NEK4: variants seen among roughly 807,000 people sequenced by gnomAD.
NEK4 encodes the protein NIMA related kinase 4.
NEK4 carries 86 observed loss-of-function variants against 98.4 expected under a neutral mutation model. The ratio of observed to expected loss-of-function variants is 0.87; its 90% CI spans 0.73 to 1.05. NEK4 has a LOEUF of 1.05. NEK4 is among the 50% of genes least tolerant of loss of function. The pLI is 0.00. For missense variants in NEK4, 898 were observed against 950.3 expected, an observed-to-expected ratio of 0.94 and a Z score of 0.72; for synonymous variants, 328 against 342.2, an observed-to-expected ratio of 0.96 and a Z score of 0.46.
chr3:52,752,072 T>C lies in NEK4; in HGVS notation c.1228A>G (p.Met410Val), dbSNP rs1281085352. 1 of 1,614,228 alleles carries C rather than the reference T, an allele frequency of 6.2e-7. No individual in the cohort carries two copies. Among genetic ancestry groups the C allele is most frequent in the Non-Finnish European group, 8.5e-7 (1 of 1,180,040 alleles). Reference protein sequence around the residue: ...ICSISQVEEEMLQDNTKSSAQ... With the variant: ...ICSISQVEEEVLQDNTKSSAQ... Reference sequence around the variant, plus strand: ...CTGGATTTAGTGTTGTCCTGCAGCATCTCCTCTTCCACTTGAGAAATACTG... The same window carrying C: ...CTGGATTTAGTGTTGTCCTGCAGCACCTCCTCTTCCACTTGAGAAATACTG... Residue 410 changes from methionine to valine, a missense_variant, in exon 7 of 16, where the codon ATG becomes GTG. By Grantham distance (21) the Met-to-Val change is conservative. Transcript: ENST00000233027.
chr3:52,723,055 A>G (rs2097361478), intron 15 of NEK4, among the ~76,000 whole-genome samples: 1 of 151,958 alleles, frequency 6.6e-6, no homozygotes, highest in Admixed American at 6.6e-5. Flanking sequence ...AAATTTTAAA[A>G]TTAGCTAAGT....
At chr3:52,721,479 G>T (rs1015839718) in intron 15 of NEK4, among the ~76,000 whole-genome samples, 1 of 152,056 alleles carries the variant, frequency 6.6e-6, no homozygotes, top group African/African-American at 2.4e-5. Context: ...TAGAATCCCA[G>T]AACTTTGGGA....
At chr3:52,721,635 C>T (rs561476735) in intron 15 of NEK4, among the ~76,000 whole-genome samples, 1 of 151,578 alleles carries the variant, frequency 6.6e-6, no homozygotes, top group South Asian at 2.1e-4. Context: ...ACTAAGGAGG[C>T]TGGGACAGGA....
At chr3:52,761,860 T>A (rs1559447986) in intron 5 of NEK4, among the ~76,000 whole-genome samples, 1 of 152,246 alleles carries the variant, frequency 6.6e-6, no homozygotes, top group East Asian at 1.9e-4. Flanking sequence ...TAAAACTGAT[T>A]GGTACACTTA....
In NEK4 at chr3:52,727,177, T is replaced by C. The variant is rs142676796; in HGVS notation, c.2433+10409A>G. The stretch of plus-strand genomic sequence containing the variant: ...TTAGTAGAGACAGAGTTTCACCATG[T>C]TGGTCAGGCTGGTCTCGAATTCCTG... On this transcript the variant is annotated intron_variant, in intron 15 of 15. Transcript: ENST00000233027. 4.9e-3 allele frequency among the ~76,000 whole-genome samples: 739 copies of C among 152,206 alleles called. 5 individuals are homozygous for C. The highest frequency in any genetic ancestry group is 0.016 in the African/African-American group (683 of 41,538).
At chr3:52,730,414 G>A (rs1218720106) in intron 15 of NEK4, among the ~76,000 whole-genome samples, 1 of 152,196 alleles carries the variant, frequency 6.6e-6, no homozygotes, top group Non-Finnish European at 1.5e-5. Context: ...AGGAGGAAGG[G>A]GTAATTCCTG....
Position 52,770,833 on chromosome 3 carries a change from G to A in NEK4, c.-87C>T, listed in dbSNP as rs1323104583. ...AACAAGAAGCTCGGTTCATGCCCGA[G>A]AGGGGGCAGTGGGGGCGGCTGTTGA... On this transcript the variant is annotated 5_prime_UTR_variant, in exon 1 of 16. Transcript: ENST00000233027. The A allele has an allele frequency of 1.6e-6, 2 of 1,223,444 alleles. No homozygotes were observed. The highest frequency in any genetic ancestry group is 1.5e-5 in the African/African-American group (1 of 67,164). 75.8% of individuals were successfully genotyped at this position (1,223,444 alleles called of 1,614,324 possible). A position where few individuals can be genotyped will look rare whatever the true frequency, so the allele number is the denominator to read the frequency against.
intron 10 of NEK4, among the ~76,000 whole-genome samples, chr3:52,744,509 C>A (rs907877623): frequency 2.6e-5 from 4 of 151,970 alleles, no homozygotes; most frequent in Non-Finnish European, 5.9e-5. Flanking sequence ...CATGGTGAAA[C>A]CCCGTCTCTA....
intron 15 of NEK4, among the ~76,000 whole-genome samples, chr3:52,731,568 T>C (rs1441139587): frequency 1.3e-5 from 2 of 152,196 alleles, no homozygotes; most frequent in African/African-American, 4.8e-5. Context: ...CAACACATGG[T>C]GACGGGACAA....
chr3:52,742,726 A>C (rs550093020), intron 12 of NEK4, among the ~76,000 whole-genome samples: 1 of 152,212 alleles, frequency 6.6e-6, no homozygotes, highest in East Asian at 1.9e-4. Context: ...TTGGTATCAC[A>C]GCAGATTGAG....
chr3:52,727,258 G>C (rs1015377338), intron 15 of NEK4, among the ~76,000 whole-genome samples: 12 of 152,120 alleles, frequency 7.9e-5, no homozygotes, highest in Non-Finnish European at 1.6e-4. Flanking sequence ...ACAGGCGTGA[G>C]CCACTGCGCC....
rs368976533 is a variant in NEK4, at chr3:52,739,512, T to C, written c.2216A>G (p.His739Arg). 58 of 1,614,062 alleles carry C rather than the reference T, an allele frequency of 3.6e-5. No individual in the cohort carries two copies. Among genetic ancestry groups the C allele is most frequent in the Non-Finnish European group, 4.7e-5 (56 of 1,180,032 alleles). ...TATCAGTGTGTCCCGATATTTCCGA[T>C]GAAGTTTGAATTCTGACACTGGGTT... ...VANPVSEFKL[H>R]RKYRDTLILH... Residue 739 changes from histidine to arginine, a missense_variant, in exon 14 of 16, where the codon CAT becomes CGT. By Grantham distance (29) the His-to-Arg change is conservative. Transcript: ENST00000233027.
chr3:52,717,853 A>C (rs2097356621), intron 15 of NEK4, among the ~76,000 whole-genome samples: 1 of 152,048 alleles, frequency 6.6e-6, no homozygotes, highest in Admixed American at 6.6e-5. Context: ...GCAGTGGCAC[A>C]ATCTCAGCTC....
intron 11 of NEK4, among the ~76,000 whole-genome samples, chr3:52,743,890 CT>C (rs1328522409): frequency 2.6e-5 from 4 of 152,206 alleles, no homozygotes; most frequent in Non-Finnish European, 4.4e-5. Context: ...AGCAACCTCC[CT>C]CTGTTCCTAA....
At chr3:52,763,687 T>G (rs1698442834) in intron 4 of NEK4, 63 bp from the exon 5 acceptor site, 1 of 1,262,770 alleles carries the variant, frequency 7.9e-7, no homozygotes, top group African/African-American at 1.5e-5. Context: ...TAAAAGCTGG[T>G]AGAGGTTTCC....
chr3:52,760,203 ATTTT>A (rs1698305944), intron 6 of NEK4, among the ~76,000 whole-genome samples: 1 of 151,952 alleles, frequency 6.6e-6, no homozygotes. Flanking sequence ...TTATTTATTT[ATTTT>A]ATTTTATTTA....
intron 15 of NEK4, chr3:52,735,120 G>A (rs1476324308): frequency 6.5e-6 from 1 of 153,962 alleles, no homozygotes; most frequent in Non-Finnish European, 1.5e-5. Context: ...CAGTATATAT[G>A]AATTCTTTGA....
chr3:52,725,355 C>CA (rs1207715000), intron 15 of NEK4, among the ~76,000 whole-genome samples: 89 of 148,710 alleles, frequency 6.0e-4, no homozygotes, highest in African/African-American at 1.4e-3. Context: ...ACTAAAAATA[C>CA]AAAAAAAAAA....
At chr3:52,730,376 A>G (rs941914369) in intron 15 of NEK4, among the ~76,000 whole-genome samples, 1 of 152,188 alleles carries the variant, frequency 6.6e-6, no homozygotes, top group African/African-American at 2.4e-5. Flanking sequence ...AATGATGCCA[A>G]TCCTTCTCAA....
Sources: gnomAD v4.1 joint callset for allele counts (sites outside exome capture counted in the v4.1 genomes callset) on GRCh38, gnomAD v4.1.1 for gene constraint, MANE v1.5 for transcripts, NCBI Gene and HGNC (gene_info 2026-07-23, HGNC 2026-07-21) for gene names.